The following DMP1 variants were observed in gnomAD, a reference collection of about 807,000 sequenced individuals.
The protein encoded by DMP1 is dentin matrix acidic phosphoprotein 1.
Under a neutral mutation model 14.6 loss-of-function variants are expected in DMP1, and 20 were observed. That is an observed-to-expected ratio of 1.37 (90% CI 0.96 to 1.99). The LOEUF (loss-of-function observed/expected upper bound fraction) is 1.99. Among genes scored for constraint, DMP1 ranks in the 30% most tolerant of loss-of-function variants. The pLI, the probability that DMP1 is intolerant of heterozygous loss-of-function variation, is 0.00. For synonymous variants in DMP1, 197 were observed against 215.3 expected (o/e 0.91, Z 0.75); for missense variants, 567 against 620.5 (o/e 0.91, Z 0.92).
rs913964552 is a variant in DMP1, at chr4:87,663,779, G to A, written c.*459G>A. ...ACAAGAATTGTTACAACCCAGTATGGTGAGTGCCAAGACAGAGAGCTATGA... is the reference window on the plus strand; with the variant it reads ...ACAAGAATTGTTACAACCCAGTATGATGAGTGCCAAGACAGAGAGCTATGA... On this transcript the variant is annotated 3_prime_UTR_variant, in exon 6 of 6. Transcript: ENST00000339673. 2.5e-5 allele frequency: 6 copies of A among 237,132 alleles called. No individual in the cohort carries two copies. In the Admixed American group the frequency reaches 3.1e-4, roughly 12 times the overall value. The allele number at this position is 237,132 out of a possible 1,614,324, so 14.7% of individuals were successfully genotyped here. A position where few individuals can be genotyped will look rare whatever the true frequency, so the allele number is the denominator to read the frequency against.
chr4:87,660,256 A>G (rs1189151443), intron 5 of DMP1, among the ~76,000 whole-genome samples: 1 of 152,200 alleles, frequency 6.6e-6, no homozygotes, highest in Non-Finnish European at 1.5e-5. Flanking sequence ...AGAAATTTAA[A>G]AGCATAGAAC....
At chr4:87,651,146 C>T (rs1195269196) in intron 1 of DMP1, among the ~76,000 whole-genome samples, 13 of 152,100 alleles carry the variant, frequency 8.5e-5, no homozygotes, top group Non-Finnish European at 2.9e-5. Context: ...AGAGCAGTAA[C>T]TTGTGGTTAA....
intron 3 of DMP1, among the ~76,000 whole-genome samples, chr4:87,658,158 G>A (rs961386663): frequency 6.6e-6 from 1 of 152,162 alleles, no homozygotes; most frequent in Non-Finnish European, 1.5e-5. Flanking sequence ...TAATTGACTG[G>A]AGCACAGCCT....
chr4:87,659,179 G>A (rs1193082822), intron 3 of DMP1, 41 bp from the exon 4 acceptor site: 4 of 1,602,648 alleles, frequency 2.5e-6, no homozygotes, highest in Admixed American at 1.7e-5. Flanking sequence ...AAATCCATCT[G>A]TGAGGGAGTA....
chr4:87,656,376 C>T (rs1728694229), intron 1 of DMP1, 96 bp from the exon 2 acceptor site: 9 of 774,448 alleles, frequency 1.2e-5, no homozygotes, highest in Non-Finnish European at 1.9e-5. Flanking sequence ...AGTTCATGGA[C>T]ATTTGGATGA....
At chr4:87,656,150 C>T (rs1308241617) in intron 1 of DMP1, among the ~76,000 whole-genome samples, 2 of 152,196 alleles carry the variant, frequency 1.3e-5, no homozygotes, top group South Asian at 2.1e-4. Context: ...CTCTGGGCAA[C>T]CACTAGTCTA....
intron 1 of DMP1, among the ~76,000 whole-genome samples, chr4:87,654,421 T>C (rs1468620143): frequency 1.3e-5 from 2 of 152,170 alleles, no homozygotes; most frequent in Non-Finnish European, 2.9e-5. Flanking sequence ...GGAGTATTGT[T>C]TTCTGAGTTC....
chr4:87,661,990 A>G lies in DMP1; in HGVS notation c.212A>G (p.Gln71Arg). The G allele has an allele frequency of 1.2e-6, 2 of 1,614,212 alleles. No homozygotes were observed. Among genetic ancestry groups the G allele is most frequent in the Non-Finnish European group, 8.5e-7 (1 of 1,180,034 alleles). ...AATGAAGACCCCAGTGACAGCACTC[A>G]GTCAGAGGAGGGCCTGGGCTCTGAT... Reference protein sequence around the residue: ...QANEDPSDSTQSEEGLGSDDH... With the variant: ...QANEDPSDSTRSEEGLGSDDH... The change falls in exon 6 of 6, where the codon CAG (glutamine) becomes CGG (arginine). Residue 71 changes from glutamine to arginine, a missense_variant. Gln to Arg is a conservative substitution (Grantham distance 43). Transcript: ENST00000339673.
chr4:87,653,805 A>T lies in DMP1; in HGVS notation c.-21-2667A>T, dbSNP rs975989060. On this transcript the variant is annotated intron_variant, in intron 1 of 5. Coordinates refer to ENST00000339673, the MANE Select transcript of DMP1 (RefSeq NM_004407.4). ...ACTCCTATCATTATTTTAGGGGCCA[A>T]GGGAAAACTTCCCCCTCACCCTCTG... Among the ~76,000 whole-genome samples, 3 of 152,234 alleles carry T rather than the reference A, an allele frequency of 2.0e-5. No individual in the cohort carries two copies. In the East Asian group the frequency reaches 5.8e-4, roughly 29 times the overall value.
rs1241894834 is a variant in DMP1 at position 87,659,458 on chromosome 4, A to G, written c.163A>G (p.Lys55Glu). Residue 55 changes from lysine (K) to glutamate (E), a missense_variant, in exon 5 of 6, where the codon AAA becomes GAA. Physicochemically the swap from Lys to Glu is moderately conservative, Grantham distance 56. Transcript: ENST00000339673. ...LESSESSEGS[K>E]VSSEEQANED... is the part of the protein sequence containing the mutation. ...GAGCAGTGAGTCATCAGAAGGCAGT[A>G]AAGTTAGCTCAGAGGAACAGGTAAT... 6.2e-7 allele frequency: 1 copy of G among 1,613,988 alleles called. No individual in the cohort carries two copies. Among genetic ancestry groups the G allele is most frequent in the African/African-American group, 1.3e-5 (1 of 74,948 alleles).
At position 87,662,567 on chromosome 4, in the gene DMP1, C is replaced by T; in HGVS notation, c.789C>T (p.Pro263=). Residue 263 remains proline (P), a synonymous_variant, in exon 6 of 6, where the codon CCC becomes CCT. Transcript: ENST00000339673. The stretch of plus-strand genomic sequence containing the variant: ...GTGGCAGCCAATTGCTGGAGCATCC[C>T]AGTAGGAAAATTTTTAGGAAGTCTC... The part of the protein sequence containing the change: ...DSGGSQLLEH[P]SRKIFRKSRI... 1 of 1,614,052 alleles carries T rather than the reference C, an allele frequency of 6.2e-7. No individual in the cohort carries two copies. Among genetic ancestry groups the T allele is most frequent in the Non-Finnish European group, 8.5e-7 (1 of 1,180,012 alleles).
intron 1 of DMP1, among the ~76,000 whole-genome samples, chr4:87,655,749 T>G (rs1249464625): frequency 6.6e-6 from 1 of 152,092 alleles, no homozygotes; most frequent in Admixed American, 6.6e-5. Context: ...CTGGTGTCAA[T>G]AAGTGTAGTT....
At chr4:87,654,262 G>T (rs1728621755) in intron 1 of DMP1, among the ~76,000 whole-genome samples, 1 of 152,164 alleles carries the variant, frequency 6.6e-6, no homozygotes, top group South Asian at 2.1e-4. Flanking sequence ...GGGAAAAGAG[G>T]TTCTGGTTTC....
chr4:87,657,062 G>C lies in DMP1; in HGVS notation c.85G>C (p.Asp29His). ...CAGGTATCAAAATAATGAATCTGAG[G>C]ATTCTGAAGAATGGAAGGTGAGTAG... ...VTRYQNNESE[D>H]SEEWKGHLAQ... Residue 29 changes from aspartate to histidine, a missense_variant, in exon 3 of 6, where the codon GAT (aspartate) becomes CAT (histidine). Transcript: ENST00000339673. 6.4e-7 allele frequency: 1 copy of C among 1,557,576 alleles called. No homozygotes were observed. Among genetic ancestry groups the C allele is most frequent in the Non-Finnish European group, 8.9e-7 (1 of 1,129,146 alleles).
In DMP1 at chr4:87,657,039, G is replaced by A. The variant is rs552859119; in HGVS notation, c.62G>A (p.Arg21Lys). Residue 21 changes from arginine (R) to lysine (K), a missense_variant, in exon 3 of 6, where the codon AGG becomes AAG. Arg to Lys is a conservative substitution (Grantham distance 26). Transcript: ENST00000339673. ...GTGTACTAAATTTTCTAGGTAACCA[G>A]GTATCAAAATAATGAATCTGAGGAT... ...WGLSCALPVTRYQNNESEDSE... is the reference protein window; with the variant it reads ...WGLSCALPVTKYQNNESEDSE... The A allele has an allele frequency of 1.3e-6, 2 of 1,551,754 alleles. No individual in the cohort carries two copies. Among genetic ancestry groups the A allele is most frequent in the Non-Finnish European group, 1.8e-6 (2 of 1,123,708 alleles).
In DMP1 at chr4:87,662,503, C is replaced by T. The variant is rs765137056; in HGVS notation, c.725C>T (p.Ser242Phe). The T allele has an allele frequency of 6.2e-7, 1 of 1,614,148 alleles. No homozygotes were observed. Among genetic ancestry groups the T allele is most frequent in the Admixed American group, 1.7e-5 (1 of 60,028 alleles). The change falls in exon 6 of 6, where the codon TCT becomes TTT. Residue 242 changes from serine (S) to phenylalanine (F), a missense_variant. By Grantham distance (155) the Ser-to-Phe change is radical. Transcript: ENST00000339673. ...AGTGCAGGCATGAAATCAAAAGAAT[C>T]TGGAGAAAACAGTGAGCAAGCAAAC... ...MNSAGMKSKE[S>F]GENSEQANTQ...
intron 3 of DMP1, 124 bp from the exon 4 acceptor site, chr4:87,659,096 C>T (rs1046337821): frequency 2.1e-6 from 2 of 939,210 alleles, no homozygotes; most frequent in African/African-American, 1.6e-5. Flanking sequence ...CACTATTACT[C>T]ATGTAAATGT....
chr4:87,659,428 C>G lies in DMP1; in HGVS notation c.136-3C>G, dbSNP rs192211990. On this transcript the variant is annotated splice_region_variant and splice_polypyrimidine_tract_variant and intron_variant, in intron 4 of 5. Coordinates refer to ENST00000339673, the MANE Select transcript of DMP1 (RefSeq NM_004407.4). ...AGAAAAGTAAACATTTTTCCCCTTT[C>G]AGGAGAGCAGTGAGTCATCAGAAGG... 5.0e-6 allele frequency: 8 copies of G among 1,613,924 alleles called. No individual in the cohort carries two copies. In the Admixed American group the frequency reaches 1.3e-4, roughly 27 times the overall value.
chr4:87,660,117 A>G (rs1454237719), intron 5 of DMP1, among the ~76,000 whole-genome samples: 2 of 152,208 alleles, frequency 1.3e-5, no homozygotes, highest in African/African-American at 4.8e-5. Flanking sequence ...GTGGGGCTCC[A>G]GAGAGTCCAG....
Sources: gnomAD v4.1 joint callset for allele counts (sites outside exome capture counted in the v4.1 genomes callset) on GRCh38, gnomAD v4.1.1 for gene constraint, MANE v1.5 for transcripts, NCBI Gene and HGNC (gene_info 2026-07-23, HGNC 2026-07-21) for gene names.